CCSER1: variants seen among roughly 807,000 people sequenced by gnomAD.
CCSER1 encodes serine-rich coiled-coil domain-containing protein 1.
A neutral mutation model predicts 82.0 loss-of-function variants in CCSER1; 41 were observed. That is an observed-to-expected ratio of 0.50 (90% CI 0.39 to 0.65). The LOEUF is 0.65. Ranked by LOEUF, CCSER1 falls within the 30% of genes least tolerant of loss-of-function variation. CCSER1 has a pLI of 0.00. For synonymous variants in CCSER1, 414 were observed against 383.9 expected, an observed-to-expected ratio of 1.08 and a Z score of -0.92; for missense variants, 1,119 against 1,064.2, an observed-to-expected ratio of 1.05 and a Z score of -0.72.
At chr4:90,831,734 C>A (rs1013526818) in intron 8 of CCSER1, among the ~76,000 whole-genome samples, 1 of 151,876 alleles carries the variant, frequency 6.6e-6, no homozygotes, top group African/African-American at 2.4e-5. Context: ...ATTTTTTTTC[C>A]ACAAAAGAAT....
intron 9 of CCSER1, among the ~76,000 whole-genome samples, chr4:91,034,553 A>G (rs28582898): frequency 2.8e-4 from 43 of 151,818 alleles, no homozygotes; most frequent in Non-Finnish European, 5.3e-4. Context: ...ACCCCCCCCA[A>G]TTGAAGCACT....
At chr4:90,567,517 C>T (rs1704596695) in intron 5 of CCSER1, among the ~76,000 whole-genome samples, 1 of 151,848 alleles carries the variant, frequency 6.6e-6, no homozygotes, top group Admixed American at 6.6e-5. Flanking sequence ...CTCAAACTCC[C>T]GACCTCAGGT....
intron 8 of CCSER1, among the ~76,000 whole-genome samples, chr4:90,900,902 C>A (rs1289609863): frequency 6.6e-6 from 1 of 151,770 alleles, no homozygotes; most frequent in East Asian, 1.9e-4. Context: ...TGCAGTTCCC[C>A]ACTACTATTG....
intron 7 of CCSER1, among the ~76,000 whole-genome samples, chr4:90,748,324 A>G (rs1580282914): frequency 1.3e-5 from 2 of 150,718 alleles, no homozygotes; most frequent in Admixed American, 1.3e-4. Context: ...ACTGAGAATG[A>G]TGATTTCCAG....
Position 91,604,404 on chromosome 4 carries a change from C to T in CCSER1, c.*5347C>T, listed in dbSNP as rs927106443. The T allele has an allele frequency of 1.3e-5, 2 of 152,028 alleles. No individual in the cohort carries two copies. Among genetic ancestry groups the T allele is most frequent in the African/African-American group, 4.8e-5 (2 of 41,408 alleles). 9.4% of individuals were successfully genotyped at this position (152,028 alleles called of 1,614,324 possible). A position where few individuals can be genotyped will look rare whatever the true frequency, so the allele number is the denominator to read the frequency against. On this transcript the variant is annotated 3_prime_UTR_variant, in exon 11 of 11. Coordinates refer to ENST00000509176, the MANE Select transcript of CCSER1 (RefSeq NM_001145065.2). ...AAAGCAGTTTTAAAACAATTATTGA[C>T]ATTTAATAAATACAGAATTTTCAGA...
intron 10 of CCSER1, among the ~76,000 whole-genome samples, chr4:91,431,176 G>C (rs1286640467): frequency 6.6e-6 from 1 of 152,102 alleles, no homozygotes; most frequent in Non-Finnish European, 1.5e-5. Context: ...GCGGAACTTA[G>C]AGTGAGCGGA....
intron 10 of CCSER1, among the ~76,000 whole-genome samples, chr4:91,523,138 G>A (rs1578690703): frequency 6.6e-6 from 1 of 151,484 alleles, no homozygotes. Flanking sequence ...TAATAATGTG[G>A]TTTTGTCGTT....
intron 1 of CCSER1, among the ~76,000 whole-genome samples, chr4:90,274,545 G>T (rs1727185447): frequency 1.3e-5 from 2 of 152,062 alleles, no homozygotes; most frequent in South Asian, 2.1e-4. Context: ...AAAGTTTTTA[G>T]AATTTAAAAC....
chr4:90,532,309 A>G (rs1426091805), intron 5 of CCSER1, among the ~76,000 whole-genome samples: 1 of 152,078 alleles, frequency 6.6e-6, no homozygotes, highest in African/African-American at 2.4e-5. Context: ...TCTGCCTTTT[A>G]CATGGACCTA....
intron 8 of CCSER1, among the ~76,000 whole-genome samples, chr4:90,824,497 A>G (rs1760162843): frequency 1.3e-5 from 2 of 152,148 alleles, no homozygotes; most frequent in Non-Finnish European, 2.9e-5. Context: ...ATGGCTAACT[A>G]GCACTTTATC....
chr4:91,385,505 T>C (rs906695833), intron 10 of CCSER1, among the ~76,000 whole-genome samples: 2 of 151,986 alleles, frequency 1.3e-5, no homozygotes, highest in South Asian at 4.1e-4. Flanking sequence ...TTCTGACTTT[T>C]AGATGGAGGT....
At chr4:91,461,505 A>G (rs1176632604) in intron 10 of CCSER1, among the ~76,000 whole-genome samples, 1 of 152,166 alleles carries the variant, frequency 6.6e-6, no homozygotes, top group Non-Finnish European at 1.5e-5. Flanking sequence ...TTGTGGGACA[A>G]CAAATGACCC....
At chr4:91,475,685 GA>G (rs1018002465) in intron 10 of CCSER1, among the ~76,000 whole-genome samples, 1 of 151,594 alleles carries the variant, frequency 6.6e-6, no homozygotes, top group African/African-American at 2.4e-5. Context: ...TAGTTATTTT[GA>G]AATATACTAT....
At chr4:90,397,853 TCA>T (rs994028839) in intron 3 of CCSER1, among the ~76,000 whole-genome samples, 30 of 152,322 alleles carry the variant, frequency 2.0e-4, no homozygotes, top group African/African-American at 7.0e-4. Flanking sequence ...TAAGATGTCC[TCA>T]CTTGGTATAA....
intron 10 of CCSER1, among the ~76,000 whole-genome samples, chr4:91,261,464 A>T (rs1045985475): frequency 1.3e-5 from 2 of 152,236 alleles, no homozygotes; most frequent in Admixed American, 1.3e-4. Flanking sequence ...TCAATATGGT[A>T]TCTTGGAAAG....
At chr4:91,218,936 T>G (rs367628804) in intron 10 of CCSER1, among the ~76,000 whole-genome samples, 4 of 152,148 alleles carry the variant, frequency 2.6e-5, no homozygotes, top group South Asian at 4.1e-4. Context: ...CTAAAGCAAC[T>G]GTGGCCATTT....
intron 8 of CCSER1, among the ~76,000 whole-genome samples, chr4:90,817,639 C>T (rs1267348436): frequency 2.7e-5 from 4 of 150,036 alleles, no homozygotes. Context: ...AAAATGTTAA[C>T]TTTAAAAAAA....
At chr4:90,998,199 G>C (rs1055078122) in intron 9 of CCSER1, among the ~76,000 whole-genome samples, 3 of 151,974 alleles carry the variant, frequency 2.0e-5, no homozygotes, top group African/African-American at 4.8e-5. Flanking sequence ...TCTTGCCTCA[G>C]CCTCCCAAGT....
intron 6 of CCSER1, among the ~76,000 whole-genome samples, chr4:90,712,977 T>G (rs1211772009): frequency 6.6e-6 from 1 of 151,970 alleles, no homozygotes; most frequent in Non-Finnish European, 1.5e-5. Context: ...CCTGCTTTTT[T>G]CTTTTTTCCA....
Sources: gnomAD v4.1 joint callset for allele counts (sites outside exome capture counted in the v4.1 genomes callset) on GRCh38, gnomAD v4.1.1 for gene constraint, MANE v1.5 for transcripts, NCBI Gene and HGNC (gene_info 2026-07-23, HGNC 2026-07-21) for gene names.